TMEM87A: variants seen among roughly 807,000 people sequenced by gnomAD.
TMEM87A encodes the protein Golgi-pH regulating cation channel.
In TMEM87A, 50 loss-of-function variants were observed where a neutral mutation model predicts 90.0. The observed-to-expected ratio is 0.56, with a 90% CI of 0.44 to 0.70. The LOEUF (loss-of-function observed/expected upper bound fraction) is 0.70, where lower values mean the gene tolerates loss of function less well. Ranked by LOEUF, TMEM87A falls within the 30% of genes least tolerant of loss-of-function variation. The pLI is 0.00. For missense variants in TMEM87A, 577 were observed against 660.5 expected, an observed-to-expected ratio of 0.87 and a Z score of 1.39; for synonymous variants, 226 against 226.7, an observed-to-expected ratio of 1.00 and a Z score of 0.03.
At position 42,233,822 on chromosome 15, in the gene TMEM87A, G is replaced by A. The variant is rs112609122; in HGVS notation, c.969-516C>T. Among the ~76,000 whole-genome samples, 1,226 of 152,000 alleles carry A rather than the reference G, an allele frequency of 8.1e-3. 8 individuals carry two copies. Among genetic ancestry groups the A allele is most frequent in the Middle Eastern group, 0.037 (11 of 294 alleles). On this transcript the variant is annotated intron_variant, in intron 10 of 19. Transcript: ENST00000389834. The stretch of plus-strand genomic sequence containing the variant: ...AACAGGGTCTCACTCTATCGCCCAC[G>A]CTGAAGTGCAGTGGCCCAGTCACTG...
chr15:42,222,768 C>A (rs575864391), intron 15 of TMEM87A, among the ~76,000 whole-genome samples: 27 of 152,058 alleles, frequency 1.8e-4, no homozygotes, highest in Non-Finnish European at 3.1e-4. Context: ...TCATGTTGGT[C>A]CGGCTGGTCT....
At chr15:42,218,038 C>T (rs2050411656) in intron 18 of TMEM87A, 1 of 624,882 alleles carries the variant, frequency 1.6e-6, no homozygotes, top group African/African-American at 1.8e-5. Context: ...TTTTGCAATG[C>T]AACAGGACCA....
At chr15:42,230,124 G>A (rs953260948) in intron 12 of TMEM87A, among the ~76,000 whole-genome samples, 1 of 152,182 alleles carries the variant, frequency 6.6e-6, no homozygotes, top group Non-Finnish European at 1.5e-5. Context: ...ACTGCACCCG[G>A]CTCAATTTTC....
At chr15:42,236,245 A>T (rs367950925) in intron 10 of TMEM87A, 75 bp downstream of exon 10, 8 of 1,219,230 alleles carry the variant, frequency 6.6e-6, no homozygotes, top group East Asian at 4.7e-5. Context: ...GAACTACTAC[A>T]TTGGGAACAT....
intron 7 of TMEM87A, among the ~76,000 whole-genome samples, chr15:42,241,154 T>TA (rs1434276477): frequency 6.6e-6 from 1 of 152,246 alleles, no homozygotes; most frequent in Non-Finnish European, 1.5e-5. Context: ...TGCTCTATGC[T>TA]AAAATATACA....
At chr15:42,220,021 T>C in intron 16 of TMEM87A, 41 bp downstream of exon 16, 9 of 1,497,446 alleles carry the variant, frequency 6.0e-6, no homozygotes, top group Non-Finnish European at 8.2e-6. Context: ...TACAGAAAAA[T>C]AATATTTAAA....
intron 15 of TMEM87A, among the ~76,000 whole-genome samples, chr15:42,222,024 G>A (rs1010159526): frequency 5.3e-5 from 8 of 152,186 alleles, no homozygotes; most frequent in Non-Finnish European, 7.3e-5. Context: ...CAAAGTGCTG[G>A]AATGACAGGT....
At chr15:42,221,966 G>A (rs1011554913) in intron 15 of TMEM87A, among the ~76,000 whole-genome samples, 1 of 152,082 alleles carries the variant, frequency 6.6e-6, no homozygotes, top group African/African-American at 2.4e-5. Flanking sequence ...TATTGCCAGG[G>A]CTGGTCTCAA....
Position 42,264,087 on chromosome 15 carries a change from T to A in TMEM87A, c.405+3A>T. On this transcript the variant is annotated splice_donor_region_variant and intron_variant, in intron 4 of 19. Coordinates refer to ENST00000389834, the MANE Select transcript of TMEM87A (RefSeq NM_015497.5). ...TTTATCTCCAATCACTTTCAAAGAT[T>A]ACCTGTGTTTTAAAGAGTTCACTGC... 6.2e-7 allele frequency: 1 copy of A among 1,607,248 alleles called. No individual in the cohort carries two copies. The highest frequency in any genetic ancestry group is 8.5e-7 in the Non-Finnish European group (1 of 1,175,422).
intron 6 of TMEM87A, among the ~76,000 whole-genome samples, chr15:42,250,528 GC>G (rs1235537146): frequency 6.6e-6 from 1 of 152,168 alleles, no homozygotes; most frequent in Non-Finnish European, 1.5e-5. Context: ...CACTTATGAA[GC>G]TTAGTTTGGC....
intron 6 of TMEM87A, among the ~76,000 whole-genome samples, chr15:42,254,359 T>A (rs549647812): frequency 2.6e-5 from 4 of 152,218 alleles, no homozygotes; most frequent in African/African-American, 9.7e-5. Flanking sequence ...TCCTTGATAA[T>A]TACCCAAATG....
chr15:42,227,045 A>T, intron 14 of TMEM87A, 136 bp from the exon 15 acceptor site: 1 of 769,562 alleles, frequency 1.3e-6, no homozygotes, highest in South Asian at 1.8e-5. Context: ...CGTGCTCAGT[A>T]CTGTGGTAAG....
chr15:42,251,123 T>C (rs1261605433), intron 6 of TMEM87A, among the ~76,000 whole-genome samples: 3 of 152,224 alleles, frequency 2.0e-5, no homozygotes, highest in Non-Finnish European at 4.4e-5. Context: ...CACTGTTTAT[T>C]CTAGATAGCC....
chr15:42,219,670 T>C (rs1156656994), intron 16 of TMEM87A, 28 bp from the exon 17 acceptor site: 1 of 1,512,522 alleles, frequency 6.6e-7, no homozygotes, highest in East Asian at 2.3e-5. Context: ...TATACACTGT[T>C]TAACTTTGTG....
intron 6 of TMEM87A, among the ~76,000 whole-genome samples, chr15:42,252,838 A>G (rs1161320371): frequency 6.6e-6 from 1 of 152,096 alleles, no homozygotes; most frequent in African/African-American, 2.4e-5. Flanking sequence ...AATATGCCAT[A>G]CGTTGTTTCT....
At position 42,211,262 on chromosome 15, in the gene TMEM87A, A is replaced by G. The variant is rs2050281196; in HGVS notation, c.*446T>C. ...TTCCCAGGAAAATGAAAGGTAGTTAACAATTTCCCCCATCACCTATGTAAC... is the reference window on the plus strand; with the variant it reads ...TTCCCAGGAAAATGAAAGGTAGTTAGCAATTTCCCCCATCACCTATGTAAC... On this transcript the variant is annotated 3_prime_UTR_variant, in exon 20 of 20. Transcript: ENST00000389834. The G allele has an allele frequency of 6.5e-6, 1 of 153,662 alleles. No homozygotes were observed. Among genetic ancestry groups the G allele is most frequent in the Non-Finnish European group, 1.5e-5 (1 of 68,798 alleles). The allele number at this position is 153,662 out of a possible 1,614,324, so 9.5% of individuals were successfully genotyped here.
At position 42,231,860 on chromosome 15, in the gene TMEM87A, G is replaced by T. The variant is rs752438985; in HGVS notation, c.1063-600C>A. On this transcript the variant is annotated intron_variant, in intron 11 of 19. Coordinates refer to ENST00000389834, the MANE Select transcript of TMEM87A (RefSeq NM_015497.5). ...AAAGGATATCCATAAAATAACACAG[G>T]CGTCAATTGCTGAGAGGGCCAGGTT... 22 of 1,275,990 alleles carry T rather than the reference G, an allele frequency of 1.7e-5. No homozygotes were observed. In the African/African-American group the frequency reaches 3.1e-4, roughly 18 times the overall value. The allele number at this position is 1,275,990 out of a possible 1,614,324, so 79.0% of individuals were successfully genotyped here. A position where few individuals can be genotyped will look rare whatever the true frequency, so the allele number is the denominator to read the frequency against.
At chr15:42,241,399 G>T (rs192313342) in intron 7 of TMEM87A, among the ~76,000 whole-genome samples, 15 of 152,254 alleles carry the variant, frequency 9.9e-5, no homozygotes, top group African/African-American at 3.6e-4. Flanking sequence ...AAGCCTTCTA[G>T]GTAGAGGAAA....
intron 6 of TMEM87A, among the ~76,000 whole-genome samples, chr15:42,244,779 T>C (rs2050940578): frequency 6.8e-6 from 1 of 146,588 alleles, no homozygotes; most frequent in Non-Finnish European, 1.5e-5. Context: ...GACTCTTGCT[T>C]TTCACATAGA....
Sources: gnomAD v4.1 joint callset for allele counts (sites outside exome capture counted in the v4.1 genomes callset) on GRCh38, gnomAD v4.1.1 for gene constraint, MANE v1.5 for transcripts, NCBI Gene and HGNC (gene_info 2026-07-23, HGNC 2026-07-21) for gene names.